TLR2: variants seen among roughly 807,000 people sequenced by gnomAD.
The protein encoded by TLR2 is toll-like receptor 2.
In TLR2, 7 loss-of-function variants were observed where a neutral mutation model predicts 9.1. The ratio of observed to expected loss-of-function variants is 0.77; its 90% CI spans 0.44 to 1.44. The LOEUF is 1.44. Ranked by LOEUF, TLR2 falls within the 40% of genes most tolerant of loss-of-function variation. The probability of loss-of-function intolerance (pLI) is 0.01; values close to 1 mark genes in which losing one functional copy is unlikely to be tolerated. For missense variants in TLR2, 812 were observed against 904.6 expected (o/e 0.90, Z 1.31); for synonymous variants, 317 against 344.6 (o/e 0.92, Z 0.89).
rs755657089 is a variant in TLR2, at chr4:153,703,363, A to G, written c.456A>G (p.Gln152=). The G allele has an allele frequency of 6.5e-5, 105 of 1,613,946 alleles. 2 individuals are homozygous for G. In the South Asian group the frequency reaches 1.1e-3, roughly 17 times the overall value. ...TTTTTTCTCATCTCACAAAATTGCA[A>G]ATCCTGAGAGTGGGAAATATGGACA... is the stretch of plus-strand genomic sequence containing the variant. ...TSLFSHLTKL[Q]ILRVGNMDTF... is the part of the protein sequence containing the mutation. Residue 152 remains glutamine (Q), a synonymous_variant, in exon 3 of 3, where the codon CAA becomes CAG. Transcript: ENST00000642700.
chr4:153,686,419 A>G (rs930997654), intron 1 of TLR2, among the ~76,000 whole-genome samples: 1 of 152,256 alleles, frequency 6.6e-6, no homozygotes, highest in Non-Finnish European at 1.5e-5. Flanking sequence ...ACTAAATTTT[A>G]TGATAATCAG....
chr4:153,684,414 G>C (rs1354852899), intron 1 of TLR2, 54 bp downstream of exon 1: 2 of 152,320 alleles, frequency 1.3e-5, no homozygotes. Context: ...TCCTGGGGTC[G>C]GGTCGGGCAG....
At chr4:153,684,604 C>T (rs1735545758) in intron 1 of TLR2, among the ~76,000 whole-genome samples, 1 of 152,240 alleles carries the variant, frequency 6.6e-6, no homozygotes, top group Non-Finnish European at 1.5e-5. Flanking sequence ...GAAGCCGGCT[C>T]AGGTCGGCCC....
At chr4:153,707,947 C>G (rs1737385803), downstream of TLR2, among the ~76,000 whole-genome samples, 1 of 152,144 alleles carries the variant, frequency 6.6e-6, no homozygotes, top group South Asian at 2.1e-4. Context: ...TGGCAACACC[C>G]TCACATACAC....
Position 153,705,208 on chromosome 4 carries a change from C to G in TLR2, c.2301C>G (p.Asp767Glu). The G allele has an allele frequency of 6.2e-7, 1 of 1,607,982 alleles. No homozygotes were observed. The highest frequency in any genetic ancestry group is 1.1e-5 in the South Asian group (1 of 90,632). ...AGACCTACCTGGAGTGGCCCATGGA[C>G]GAGGCTCAGCGGGAAGGATTTTGGG... The part of the protein sequence containing the change: ...NTKTYLEWPM[D>E]EAQREGFWVN... The change falls in exon 3 of 3, where the codon GAC (aspartate) becomes GAG (glutamate). Residue 767 changes from aspartate to glutamate, a missense_variant. Asp to Glu is a conservative substitution (Grantham distance 45, BLOSUM62 2). Transcript: ENST00000642700.
chr4:153,706,351 T>G (rs540610797), downstream of TLR2, among the ~76,000 whole-genome samples: 7 of 152,340 alleles, frequency 4.6e-5, no homozygotes, highest in East Asian at 1.3e-3. Context: ...CAGTTCCTGT[T>G]TTTTAGCCTA....
downstream of TLR2, chr4:153,710,256 GTTTAC>G (rs1414536198): frequency 1.6e-5 from 13 of 792,092 alleles, no homozygotes; most frequent in Non-Finnish European, 2.4e-5. Context: ...TGACAACAAA[GTTTAC>G]TTAGTTTTCT....
chr4:153,685,797 A>G (rs562992817), intron 1 of TLR2, among the ~76,000 whole-genome samples: 1 of 152,370 alleles, frequency 6.6e-6, no homozygotes, highest in South Asian at 2.1e-4. Context: ...AGAGGGCAAG[A>G]AAAGAGAGAC....
At chr4:153,689,280 G>A (rs1190010810) in intron 2 of TLR2, among the ~76,000 whole-genome samples, 2 of 152,152 alleles carry the variant, frequency 1.3e-5, no homozygotes, top group African/African-American at 2.4e-5. Context: ...CCTACAGCGG[G>A]CCATATCATT....
chr4:153,705,164 C>G lies in TLR2; in HGVS notation c.2257C>G (p.Arg753Gly). Residue 753 changes from arginine (R) to glycine (G), a missense_variant, in exon 3 of 3, where the codon CGG (arginine) becomes GGG (glycine). By Grantham distance (125) the Arg-to-Gly change is moderately radical. Coordinates refer to ENST00000642700, the MANE Select transcript of TLR2 (RefSeq NM_001318789.2). ...CATTCCCCAGCGCTTCTGCAAGCTG[C>G]GGAAGATAATGAACACCAAGACCTA... ...KAIPQRFCKL[R>G]KIMNTKTYLE... The G allele has an allele frequency of 6.2e-7, 1 of 1,614,086 alleles. No individual in the cohort carries two copies. Among genetic ancestry groups the G allele is most frequent in the South Asian group, 1.1e-5 (1 of 91,078 alleles).
At chr4:153,696,708 G>A (rs7694512) in intron 2 of TLR2, among the ~76,000 whole-genome samples, 1 of 151,968 alleles carries the variant, frequency 6.6e-6, no homozygotes, top group African/African-American at 2.4e-5. Flanking sequence ...CAGAATGCTG[G>A]TGTGACAGTT....
Position 153,703,375 on chromosome 4 carries a change from G to C in TLR2, c.468G>C (p.Val156=). ...SHLTKLQILR[V]GNMDTFTKIQ... ...TCACAAAATTGCAAATCCTGAGAGT[G>C]GGAAATATGGACACCTTCACTAAGA... Residue 156 remains valine, a synonymous_variant, in exon 3 of 3, where the codon GTG becomes GTC. Coordinates refer to ENST00000642700, the MANE Select transcript of TLR2 (RefSeq NM_001318789.2). The C allele has an allele frequency of 1.2e-6, 2 of 1,614,078 alleles. No individual in the cohort carries two copies. The highest frequency in any genetic ancestry group is 1.7e-6 in the Non-Finnish European group (2 of 1,180,012).
At position 153,703,231 on chromosome 4, in the gene TLR2, CTAT is replaced by C. The variant is rs767041224; in HGVS notation, c.325_327del (p.Tyr109del). 28 of 1,613,932 alleles carry C rather than the reference CTAT, an allele frequency of 1.7e-5. No individual in the cohort carries two copies. Among genetic ancestry groups the C allele is most frequent in the Admixed American group, 1.7e-4 (10 of 59,980 alleles). On this transcript the variant is annotated inframe_deletion, in exon 3 of 3. Transcript: ENST00000642700. ...GCAGTCTTGAACATTTAGACTTATCCTATAATTACTTATCTAATTTATCGTCTT... is the reference window on the plus strand; with the variant it reads ...GCAGTCTTGAACATTTAGACTTATCCAATTACTTATCTAATTTATCGTCTT...
downstream of TLR2, among the ~76,000 whole-genome samples, chr4:153,709,789 C>T (rs1294001961): frequency 6.6e-6 from 1 of 152,240 alleles, no homozygotes; most frequent in African/African-American, 2.4e-5. Context: ...GGTTTGAGCA[C>T]TTTTGGCAGC....
intron 2 of TLR2, among the ~76,000 whole-genome samples, chr4:153,697,160 T>C (rs902928105): frequency 6.6e-6 from 1 of 152,096 alleles, no homozygotes; most frequent in Non-Finnish European, 1.5e-5. Context: ...GTGATCAAAC[T>C]AAGATTTGAA....
downstream of TLR2, among the ~76,000 whole-genome samples, chr4:153,708,790 CAG>C (rs896199024): frequency 3.3e-5 from 5 of 152,104 alleles, no homozygotes; most frequent in African/African-American, 1.2e-4. Context: ...GCACTGGAAA[CAG>C]AGGGGGTTTA....
chr4:153,703,641 G>A lies in TLR2; in HGVS notation c.734G>A (p.Gly245Asp). 6.2e-7 allele frequency: 1 copy of A among 1,613,326 alleles called. No individual in the cohort carries two copies. The highest frequency in any genetic ancestry group is 8.5e-7 in the Non-Finnish European group (1 of 1,179,794). The change falls in exon 3 of 3, where the codon GGT (glycine) becomes GAT (aspartate). Residue 245 changes from glycine (G) to aspartate (D), a missense_variant. Coordinates refer to ENST00000642700, the MANE Select transcript of TLR2 (RefSeq NM_001318789.2). Reference sequence around the variant, plus strand: ...TTCCATTTTTCAGAACTATCCACTGGTGAAACAAATTCATTGATTAAAAAG... The same window carrying A: ...TTCCATTTTTCAGAACTATCCACTGATGAAACAAATTCATTGATTAAAAAG... The part of the protein sequence containing the change: ...DTFHFSELST[G>D]ETNSLIKKFT...
chr4:153,700,967 C>A (rs1224004527), intron 2 of TLR2, among the ~76,000 whole-genome samples: 1 of 151,850 alleles, frequency 6.6e-6, no homozygotes, highest in Non-Finnish European at 1.5e-5. Flanking sequence ...AAATATCAAC[C>A]CCAGGTAGAT....
downstream of TLR2, chr4:153,710,572 A>G: frequency 8.0e-7 from 1 of 1,251,798 alleles, no homozygotes; most frequent in Non-Finnish European, 1.1e-6. Context: ...TATAATAAAC[A>G]ATGTAATGAA....
Sources: allele counts gnomAD v4.1 joint callset (sites outside exome capture counted in the v4.1 genomes callset), GRCh38; gene constraint gnomAD v4.1.1; transcripts MANE v1.5; gene names NCBI Gene and HGNC (gene_info 2026-07-23, HGNC 2026-07-21).